Variants in PDE3B observed in about 807,000 individuals in gnomAD.
The protein encoded by PDE3B is cGMP-inhibited 3',5'-cyclic phosphodiesterase 3B.
PDE3B carries 66 observed loss-of-function variants against 116.8 expected under a neutral mutation model. The observed-to-expected ratio is 0.56, with a 90% confidence interval of 0.46 to 0.69. PDE3B has a LOEUF of 0.69. Ranked by LOEUF, PDE3B falls within the 30% of genes least tolerant of loss-of-function variation. The pLI is 0.00. For synonymous variants in PDE3B, 595 were observed against 533.6 expected (o/e 1.12, Z -1.59); for missense variants, 1,384 against 1,368.1 (o/e 1.01, Z -0.18).
chr11:14,782,733 T>C (rs537846676), intron 2 of PDE3B, among the ~76,000 whole-genome samples: 1 of 152,202 alleles, frequency 6.6e-6, no homozygotes, highest in African/African-American at 2.4e-5. Context: ...CCAAAAGCAA[T>C]GGCAACAAAA....
the PDE3B span, among the ~76,000 whole-genome samples, chr11:14,885,277 T>C: frequency 6.6e-6 from 1 of 152,210 alleles, no homozygotes; most frequent in Non-Finnish European, 1.5e-5. Context: ...TTGTTGAATA[T>C]GGAATCCCCA....
intron 1 of PDE3B, among the ~76,000 whole-genome samples, chr11:14,685,568 C>G (rs1172180245): frequency 6.7e-6 from 1 of 148,380 alleles, no homozygotes; most frequent in Non-Finnish European, 1.5e-5. Flanking sequence ...TGCTTTTTCT[C>G]CCTCAGCTTC....
At chr11:14,646,781 A>G (rs1248498289) in intron 1 of PDE3B, among the ~76,000 whole-genome samples, 1 of 152,100 alleles carries the variant, frequency 6.6e-6, no homozygotes, top group African/African-American at 2.4e-5. Context: ...CAGCATAGCT[A>G]TATATGTATA....
chr11:14,883,530 A>C, the PDE3B span, among the ~76,000 whole-genome samples: 1 of 151,418 alleles, frequency 6.6e-6, no homozygotes, highest in Admixed American at 6.6e-5. Context: ...TACAAAAATT[A>C]ATTCAAGATG....
chr11:14,706,141 C>G (rs1855527563), intron 1 of PDE3B, among the ~76,000 whole-genome samples: 1 of 151,494 alleles, frequency 6.6e-6, no homozygotes, highest in South Asian at 2.1e-4. Flanking sequence ...CTTTGTTTCT[C>G]CCTCCCTCCT....
chr11:14,848,904 T>A (rs534958976), intron 12 of PDE3B, among the ~76,000 whole-genome samples: 5 of 152,216 alleles, frequency 3.3e-5, no homozygotes, highest in South Asian at 2.1e-4. Flanking sequence ...GAAAATGGCC[T>A]TACTGCCCAA....
At position 14,780,177 on chromosome 11, in the gene PDE3B, G is replaced by A. The variant is rs540731923; in HGVS notation, c.1030-6260G>A. On this transcript the variant is annotated intron_variant, in intron 2 of 15. Transcript: ENST00000282096. Reference sequence around the variant, plus strand: ...CAGATTCATAAAGCAAGTCCTTAGAGACCTACAAAGAGACTTAGACTCCCA... The same window carrying A: ...CAGATTCATAAAGCAAGTCCTTAGAAACCTACAAAGAGACTTAGACTCCCA... 6.0e-3 allele frequency among the ~76,000 whole-genome samples: 912 copies of A among 152,148 alleles called. 6 individuals are homozygous for A. Among genetic ancestry groups the A allele is most frequent in the African/African-American group, 0.021 (871 of 41,444 alleles).
chr11:14,791,893 A>G (rs780199034), intron 4 of PDE3B, among the ~76,000 whole-genome samples: 1 of 152,120 alleles, frequency 6.6e-6, no homozygotes, highest in African/African-American at 2.4e-5. Flanking sequence ...TCACCTCCAG[A>G]TTATTTATAA....
At chr11:14,777,028 AAG>A (rs550170131) in intron 2 of PDE3B, among the ~76,000 whole-genome samples, 6 of 152,300 alleles carry the variant, frequency 3.9e-5, no homozygotes, top group Admixed American at 1.3e-4. Context: ...CAAATGGAAA[AAG>A]AAAGAAAATA....
Position 14,669,682 on chromosome 11 carries a change from A to G in PDE3B, c.978+24629A>G, listed in dbSNP as rs79595839. On this transcript the variant is annotated intron_variant, in intron 1 of 15. Coordinates refer to ENST00000282096, the MANE Select transcript of PDE3B (RefSeq NM_000922.4). ...TGTGTCCAAGTGTTCTCACTATCCA[A>G]TTCCCACCTATGAGTGAGAATATGC... Among the ~76,000 whole-genome samples, 87 of 148,284 alleles carry G rather than the reference A, an allele frequency of 5.9e-4. 1 individual carries two copies. In the East Asian group the frequency reaches 0.011, roughly 18 times the overall value.
At chr11:14,704,140 C>T (rs11023311) in intron 1 of PDE3B, among the ~76,000 whole-genome samples, 1 of 151,548 alleles carries the variant, frequency 6.6e-6, no homozygotes, top group East Asian at 1.9e-4. Context: ...TATTTAGATA[C>T]CAGCAATATT....
rs199596198 is a variant in PDE3B at position 14,860,376 on chromosome 11, T to TA, written c.2725-829_2725-828insA. Among the ~76,000 whole-genome samples, 516 of 142,402 alleles carry TA rather than the reference T, an allele frequency of 3.6e-3. 4 individuals carry two copies. The Middle Eastern group carries it at 0.045, about 13-fold the overall frequency. 93.4% of individuals were successfully genotyped at this position (142,402 alleles called of 152,430 possible). ...TCTATGGTGGTGTTCTACATATATA[T>TA]TTTTTTTTTTCTGAAAGAGTTTGGT... On this transcript the variant is annotated intron_variant, in intron 13 of 15. Coordinates refer to ENST00000282096, the MANE Select transcript of PDE3B (RefSeq NM_000922.4).
chr11:14,880,866 C>CT, the PDE3B span: 1 of 1,149,054 alleles, frequency 8.7e-7, no homozygotes, highest in East Asian at 2.6e-5. Flanking sequence ...AGTCATCCTT[C>CT]TCCAAATTGT....
chr11:14,758,681 T>G (rs1259865243), intron 1 of PDE3B, among the ~76,000 whole-genome samples: 1 of 149,996 alleles, frequency 6.7e-6, no homozygotes, highest in East Asian at 2.0e-4. Flanking sequence ...CTGAAGTTGC[T>G]TATCAGCTTA....
At chr11:14,850,036 C>G (rs1207990931) in intron 12 of PDE3B, among the ~76,000 whole-genome samples, 1 of 152,058 alleles carries the variant, frequency 6.6e-6, no homozygotes, top group Admixed American at 6.6e-5. Flanking sequence ...GACACATGCA[C>G]ACGTATGTTT....
chr11:14,647,453 AAAATT>A (rs933895401), intron 1 of PDE3B, among the ~76,000 whole-genome samples: 18 of 152,136 alleles, frequency 1.2e-4, no homozygotes, highest in African/African-American at 4.1e-4. Context: ...TTCTAATTCT[AAAATT>A]AAATTCTTTT....
At chr11:14,676,699 C>T (rs1854541087) in intron 1 of PDE3B, among the ~76,000 whole-genome samples, 1 of 152,124 alleles carries the variant, frequency 6.6e-6, no homozygotes, top group African/African-American at 2.4e-5. Flanking sequence ...ACTGAAAGTT[C>T]ATTATGTGGC....
At chr11:14,876,446 T>TA (rs1423468813), downstream of PDE3B, among the ~76,000 whole-genome samples, 5 of 152,176 alleles carry the variant, frequency 3.3e-5, no homozygotes, top group Non-Finnish European at 7.4e-5. Flanking sequence ...TGACTCTTCA[T>TA]AATTATCCCT....
chr11:14,648,524 C>A (rs572680315), intron 1 of PDE3B, among the ~76,000 whole-genome samples: 3 of 151,984 alleles, frequency 2.0e-5, no homozygotes, highest in Admixed American at 2.0e-4. Context: ...GTGTTTTATT[C>A]CAATTTCATG....
Sources: allele counts gnomAD v4.1 joint callset (sites outside exome capture counted in the v4.1 genomes callset), GRCh38; gene constraint gnomAD v4.1.1; transcripts MANE v1.5; gene names NCBI Gene and HGNC (gene_info 2026-07-23, HGNC 2026-07-21).